The following TMEM117 variants were observed in gnomAD, a reference collection of about 807,000 sequenced individuals.
TMEM117 encodes the protein transmembrane protein 117.
Under a neutral mutation model 52.4 loss-of-function variants are expected in TMEM117, and 27 were observed. The observed-to-expected ratio is 0.51, with a 90% CI of 0.38 to 0.71. The LOEUF (loss-of-function observed/expected upper bound fraction) is 0.71, where lower values mean the gene tolerates loss of function less well. Ranked by LOEUF, TMEM117 falls within the 30% of genes least tolerant of loss-of-function variation. The pLI is 0.00. For missense variants in TMEM117, 556 were observed against 630.5 expected, an observed-to-expected ratio of 0.88 and a Z score of 1.26; for synonymous variants, 215 against 206.3, an observed-to-expected ratio of 1.04 and a Z score of -0.36.
intron 5 of TMEM117, among the ~76,000 whole-genome samples, chr12:44,215,094 A>G (rs1360108870): frequency 6.6e-6 from 1 of 152,166 alleles, no homozygotes; most frequent in Non-Finnish European, 1.5e-5. Flanking sequence ...GGAAAGAGCG[A>G]TTAGTGTGAA....
chr12:44,179,251 GAATTGGCTTACAC>G (rs1009796122), intron 4 of TMEM117, among the ~76,000 whole-genome samples: 12 of 151,958 alleles, frequency 7.9e-5, no homozygotes, highest in Non-Finnish European at 1.5e-5. Context: ...TTATTAGAGA[GAATTGGCTTACAC>G]AATTGGCTCA....
At chr12:43,866,965 C>G (rs1405455118) in intron 2 of TMEM117, among the ~76,000 whole-genome samples, 1 of 152,038 alleles carries the variant, frequency 6.6e-6, no homozygotes, top group African/African-American at 2.4e-5. Context: ...TGGTGCATGC[C>G]TGTGATCCCA....
At chr12:44,027,101 T>TTA (rs1946545868) in intron 3 of TMEM117, among the ~76,000 whole-genome samples, 2 of 146,764 alleles carry the variant, frequency 1.4e-5, no homozygotes, top group African/African-American at 2.5e-5. Context: ...TTTATTTTAT[T>TTA]TTATTTTATT....
intron 3 of TMEM117, among the ~76,000 whole-genome samples, chr12:43,996,309 A>C (rs1946028893): frequency 6.6e-6 from 1 of 152,300 alleles, no homozygotes; most frequent in East Asian, 1.9e-4. Flanking sequence ...CTTAAAAGTT[A>C]ATGAATCCAT....
chr12:44,097,627 A>G (rs1045921268), intron 3 of TMEM117, among the ~76,000 whole-genome samples: 6 of 150,410 alleles, frequency 4.0e-5, no homozygotes, highest in Admixed American at 2.7e-4. Context: ...AAAAAACCAA[A>G]CACCGCATGT....
At chr12:44,313,461 TTCTG>T (rs560624145) in intron 6 of TMEM117, among the ~76,000 whole-genome samples, 73 of 152,266 alleles carry the variant, frequency 4.8e-4, no homozygotes, top group Middle Eastern at 3.4e-3. Context: ...AGATCTATTA[TTCTG>T]TCTGTCTGTT....
intron 3 of TMEM117, among the ~76,000 whole-genome samples, chr12:44,139,046 C>T (rs1948532722): frequency 6.6e-6 from 1 of 152,150 alleles, no homozygotes; most frequent in African/African-American, 2.4e-5. Flanking sequence ...TCATGCAAGT[C>T]AACTCCTCGC....
chr12:43,894,713 A>C (rs565349671), intron 2 of TMEM117, among the ~76,000 whole-genome samples: 46 of 152,210 alleles, frequency 3.0e-4, no homozygotes, highest in Non-Finnish European at 6.0e-4. Flanking sequence ...ATGTCCCTGC[A>C]AAGGACTTGA....
chr12:43,830,020 G>A, the TMEM117 span, among the ~76,000 whole-genome samples: 145 of 150,652 alleles, frequency 9.6e-4, no homozygotes, highest in African/African-American at 3.2e-3. Context: ...CCCGGGAGGC[G>A]GACGTTGCAG....
At chr12:44,332,834 A>C (rs898246465) in intron 6 of TMEM117, among the ~76,000 whole-genome samples, 61 of 151,944 alleles carry the variant, frequency 4.0e-4, no homozygotes, top group African/African-American at 1.4e-3. Flanking sequence ...CAGCATTTTC[A>C]TAGTAAGTAT....
intron 3 of TMEM117, among the ~76,000 whole-genome samples, chr12:44,026,083 C>T (rs904042621): frequency 6.6e-6 from 1 of 152,160 alleles, no homozygotes; most frequent in African/African-American, 2.4e-5. Context: ...GTGGCTATAG[C>T]AGGTGACCCT....
At chr12:44,192,981 G>A (rs1949374706) in intron 4 of TMEM117, among the ~76,000 whole-genome samples, 1 of 152,206 alleles carries the variant, frequency 6.6e-6, no homozygotes, top group Non-Finnish European at 1.5e-5. Flanking sequence ...AGGTAGAATT[G>A]AGGTATGTGT....
chr12:43,907,554 C>G (rs542836335), intron 2 of TMEM117, among the ~76,000 whole-genome samples: 1,989 of 148,396 alleles, frequency 0.013, 32 homozygotes, highest in African/African-American at 0.047. Flanking sequence ...CTCTGAGCTA[C>G]GGGAGGACAT....
intron 3 of TMEM117, among the ~76,000 whole-genome samples, chr12:43,960,921 G>A (rs1945392410): frequency 6.6e-6 from 1 of 152,016 alleles, no homozygotes; most frequent in Non-Finnish European, 1.5e-5. Context: ...AGGTGAAGAG[G>A]CAAACTAAAT....
At chr12:44,300,098 A>G (rs1950820830) in intron 6 of TMEM117, among the ~76,000 whole-genome samples, 1 of 152,226 alleles carries the variant, frequency 6.6e-6, no homozygotes, top group Non-Finnish European at 1.5e-5. Context: ...AGGATTATAT[A>G]AAAGCAGCAA....
chr12:43,918,771 A>G (rs933943176), intron 2 of TMEM117, among the ~76,000 whole-genome samples: 1 of 152,172 alleles, frequency 6.6e-6, no homozygotes, highest in South Asian at 2.1e-4. Flanking sequence ...CCAACACTCA[A>G]AAGCATTTTA....
intron 5 of TMEM117, among the ~76,000 whole-genome samples, chr12:44,220,268 T>A (rs942225002): frequency 6.6e-6 from 1 of 152,112 alleles, no homozygotes; most frequent in Non-Finnish European, 1.5e-5. Flanking sequence ...AATTGATTGA[T>A]GAGTAAATGA....
At chr12:44,219,708 A>T (rs1333297704) in intron 5 of TMEM117, among the ~76,000 whole-genome samples, 1 of 152,178 alleles carries the variant, frequency 6.6e-6, no homozygotes, top group Non-Finnish European at 1.5e-5. Context: ...CCAGCATTTT[A>T]TTGGGGACAC....
intron 4 of TMEM117, among the ~76,000 whole-genome samples, chr12:44,179,806 C>A (rs546995961): frequency 1.3e-5 from 2 of 152,192 alleles, no homozygotes; most frequent in African/African-American, 4.8e-5. Flanking sequence ...CTATCTTTAT[C>A]ATTGTGTTAG....
Sources: gnomAD v4.1 joint callset for allele counts (sites outside exome capture counted in the v4.1 genomes callset) on GRCh38, gnomAD v4.1.1 for gene constraint, MANE v1.5 for transcripts, NCBI Gene and HGNC (gene_info 2026-07-23, HGNC 2026-07-21) for gene names.